The following NKAIN3 variants were observed in gnomAD, a reference collection of about 807,000 sequenced individuals.
NKAIN3 encodes sodium/potassium-transporting ATPase subunit beta-1-interacting protein 3.
A neutral mutation model predicts 30.2 loss-of-function variants in NKAIN3; 25 were observed. That is an observed-to-expected ratio of 0.83 (90% CI 0.60 to 1.16). The LOEUF (loss-of-function observed/expected upper bound fraction) is 1.16. NKAIN3 is among the 50% of genes most tolerant of loss of function. The pLI, the probability that NKAIN3 is intolerant of heterozygous loss-of-function variation, is 0.00. For missense variants in NKAIN3, 225 were observed against 254.1 expected, an observed-to-expected ratio of 0.89 and a Z score of 0.78; for synonymous variants, 91 against 89.6, an observed-to-expected ratio of 1.02 and a Z score of -0.09.
intron 1 of NKAIN3, among the ~76,000 whole-genome samples, chr8:62,313,634 A>G (rs1439176496): frequency 3.6e-4 from 55 of 152,178 alleles, no homozygotes; most frequent in Admixed American, 3.6e-3. Context: ...ATAGATGCAA[A>G]GGGATGAATG....
At chr8:62,998,433 A>G (rs549506823) in intron 5 of NKAIN3, among the ~76,000 whole-genome samples, 1 of 151,980 alleles carries the variant, frequency 6.6e-6, no homozygotes, top group African/African-American at 2.4e-5. Context: ...TCACCACCAC[A>G]CCAGCTAATT....
At chr8:62,756,084 A>C (rs186893384) in intron 4 of NKAIN3, among the ~76,000 whole-genome samples, 5 of 152,328 alleles carry the variant, frequency 3.3e-5, no homozygotes, top group African/African-American at 1.2e-4. Context: ...TGTCAGACTT[A>C]CTGAAATATG....
At chr8:62,882,167 C>G (rs1821001994) in intron 4 of NKAIN3, among the ~76,000 whole-genome samples, 1 of 152,034 alleles carries the variant, frequency 6.6e-6, no homozygotes. Flanking sequence ...TCAGATGCCT[C>G]TTTTGCATAT....
At chr8:62,670,451 A>G (rs1470458966) in intron 3 of NKAIN3, among the ~76,000 whole-genome samples, 1 of 152,170 alleles carries the variant, frequency 6.6e-6, no homozygotes, top group African/African-American at 2.4e-5. Context: ...GACACAACGA[A>G]GAAAGCAGTT....
At chr8:62,740,618 T>C (rs1815833487) in intron 3 of NKAIN3, among the ~76,000 whole-genome samples, 1 of 139,274 alleles carries the variant, frequency 7.2e-6, no homozygotes, top group Admixed American at 7.7e-5. Flanking sequence ...AATTGTATAG[T>C]GGTATACTGT....
intron 4 of NKAIN3, among the ~76,000 whole-genome samples, chr8:62,773,332 G>A (rs905671341): frequency 1.3e-5 from 2 of 152,084 alleles, no homozygotes; most frequent in Admixed American, 6.6e-5. Context: ...CCCAATTTAT[G>A]TTCTTGGCAC....
At chr8:62,250,648 A>C (rs1047907147) in intron 1 of NKAIN3, among the ~76,000 whole-genome samples, 2 of 152,130 alleles carry the variant, frequency 1.3e-5, no homozygotes, top group African/African-American at 4.8e-5. Flanking sequence ...TTTACATGGA[A>C]ATAACAAGTA....
intron 4 of NKAIN3, among the ~76,000 whole-genome samples, chr8:62,903,712 G>A (rs1418853019): frequency 6.6e-6 from 1 of 152,128 alleles, no homozygotes; most frequent in Non-Finnish European, 1.5e-5. Flanking sequence ...CCCAAGACTG[G>A]GTAATTTATA....
chr8:62,498,026 A>G (rs1227642759), intron 1 of NKAIN3, among the ~76,000 whole-genome samples: 1 of 152,116 alleles, frequency 6.6e-6, no homozygotes, highest in East Asian at 1.9e-4. Context: ...ATATGTGCTC[A>G]TGTGTTTACA....
chr8:62,992,021 CT>C (rs11357507), intron 5 of NKAIN3, among the ~76,000 whole-genome samples: 16,830 of 146,944 alleles, frequency 0.11, 1,080 homozygotes, highest in South Asian at 0.18. Flanking sequence ...CCTTCTTCTT[CT>C]TTTTTTTTTT....
chr8:62,767,530 C>T (rs542582530), intron 4 of NKAIN3, among the ~76,000 whole-genome samples: 3 of 152,118 alleles, frequency 2.0e-5, no homozygotes, highest in South Asian at 2.1e-4. Flanking sequence ...TTACATGAGT[C>T]GATAAACTCT....
chr8:62,657,489 T>C (rs1812795323), intron 3 of NKAIN3, among the ~76,000 whole-genome samples: 1 of 152,210 alleles, frequency 6.6e-6, no homozygotes, highest in Non-Finnish European at 1.5e-5. Context: ...ATCTTCTGTG[T>C]TCAAAGTTAA....
At chr8:62,941,810 T>C (rs989188902) in intron 5 of NKAIN3, among the ~76,000 whole-genome samples, 2 of 152,024 alleles carry the variant, frequency 1.3e-5, no homozygotes, top group African/African-American at 4.8e-5. Context: ...AACACTATAC[T>C]TACTGGGGAA....
intron 4 of NKAIN3, among the ~76,000 whole-genome samples, chr8:62,893,540 A>G (rs4329266): frequency 6.6e-6 from 1 of 152,150 alleles, no homozygotes; most frequent in Non-Finnish European, 1.5e-5. Context: ...CTGGACATAG[A>G]CTAAGGACAC....
Position 62,764,846 on chromosome 8 carries a change from T to C in NKAIN3, c.471+17717T>C, listed in dbSNP as rs190164987. Among the ~76,000 whole-genome samples, 368 of 152,342 alleles carry C rather than the reference T, an allele frequency of 2.4e-3. 1 individual carries two copies. Among genetic ancestry groups the C allele is most frequent in the Non-Finnish European group, 4.4e-3 (297 of 68,026 alleles). On this transcript the variant is annotated intron_variant, in intron 4 of 6. Coordinates refer to ENST00000623646, the MANE Select transcript of NKAIN3 (RefSeq NM_001304533.3). ...CAAAGAAAACAAATTCTTTTCAAGC[T>C]ATTCTCATTAATGGAATTAACTATC...
chr8:62,389,154 A>G lies in NKAIN3; in HGVS notation c.54+140027A>G, dbSNP rs549978767. 3.9e-5 allele frequency among the ~76,000 whole-genome samples: 6 copies of G among 152,316 alleles called. No individual in the cohort carries two copies. In the South Asian group the frequency reaches 6.2e-4, roughly 16 times the overall value. ...CTGAATAGAACTTCATCTACAGGAA[A>G]ATAAGAGCTGCAATGTCATAACATG... On this transcript the variant is annotated intron_variant, in intron 1 of 6. Coordinates refer to ENST00000623646, the MANE Select transcript of NKAIN3 (RefSeq NM_001304533.3).
chr8:62,586,100 T>G (rs2130089437), intron 2 of NKAIN3, among the ~76,000 whole-genome samples: 1 of 152,320 alleles, frequency 6.6e-6, no homozygotes, highest in South Asian at 2.1e-4. Flanking sequence ...TCAAGTGAAT[T>G]TGAAAAGTCC....
At chr8:62,803,002 C>G (rs1818125280) in intron 4 of NKAIN3, among the ~76,000 whole-genome samples, 1 of 152,038 alleles carries the variant, frequency 6.6e-6, no homozygotes. Flanking sequence ...CCAACAAGAT[C>G]AAAAGAGACA....
At chr8:62,507,619 A>ATTTC (rs1226320785) in intron 1 of NKAIN3, among the ~76,000 whole-genome samples, 1 of 152,160 alleles carries the variant, frequency 6.6e-6, no homozygotes, top group Non-Finnish European at 1.5e-5. Flanking sequence ...AGCTGCCATC[A>ATTTC]TTTCTTTCTC....
Sources: gnomAD v4.1 joint callset for allele counts (sites outside exome capture counted in the v4.1 genomes callset) on GRCh38, gnomAD v4.1.1 for gene constraint, MANE v1.5 for transcripts, NCBI Gene and HGNC (gene_info 2026-07-23, HGNC 2026-07-21) for gene names.